MTUS2: variants seen among roughly 807,000 people sequenced by gnomAD.
The protein encoded by MTUS2 is microtubule associated scaffold protein 2.
A neutral mutation model predicts 114.1 loss-of-function variants in MTUS2; 40 were observed. The observed-to-expected ratio is 0.35, with a 90% CI of 0.27 to 0.46. The LOEUF is 0.46. Ranked by LOEUF, MTUS2 falls within the 20% of genes least tolerant of loss-of-function variation. MTUS2 has a pLI of 1.00. For missense variants in MTUS2, 1,679 were observed against 1,705.4 expected (o/e 0.98, Z 0.27); for synonymous variants, 688 against 672.0 (o/e 1.02, Z -0.37).
At position 28,908,193 on chromosome 13, in the gene MTUS2, A is replaced by T. The variant is rs1880169046; in HGVS notation, c.-243+68343A>T. On this transcript the variant is annotated intron_variant, in intron 2 of 15. Coordinates refer to ENST00000612955, the MANE Select transcript of MTUS2 (RefSeq NM_001033602.4). Reference sequence around the variant, plus strand: ...TTTAGGGTACGTGTACACAACATGCAGGTTAGTTACATATGTATACATGTG... The same window carrying T: ...TTTAGGGTACGTGTACACAACATGCTGGTTAGTTACATATGTATACATGTG... Among the ~76,000 whole-genome samples the T allele has an allele frequency of 2.0e-5, 3 of 151,474 alleles. No individual in the cohort carries two copies. In the South Asian group the frequency reaches 6.3e-4, roughly 32 times the overall value.
At chr13:29,442,810 T>G (rs1593449079) in intron 9 of MTUS2, among the ~76,000 whole-genome samples, 1 of 152,182 alleles carries the variant, frequency 6.6e-6, no homozygotes, top group South Asian at 2.1e-4. Context: ...GAAGGTTGGG[T>G]CTTCAGAGAC....
chr13:28,896,983 T>C (rs1009003413), intron 2 of MTUS2, among the ~76,000 whole-genome samples: 5 of 152,174 alleles, frequency 3.3e-5, no homozygotes, highest in Admixed American at 6.5e-5. Context: ...ATTCGGGACA[T>C]AGGCATGGGC....
chr13:29,160,344 GCTTA>G (rs1332496616), intron 5 of MTUS2, among the ~76,000 whole-genome samples: 2 of 151,942 alleles, frequency 1.3e-5, no homozygotes, highest in African/African-American at 4.8e-5. Context: ...CTTTTATCTA[GCTTA>G]CTTTATTGTG....
Position 29,431,838 on chromosome 13 carries a change from A to T in MTUS2, c.3118-8145A>T, listed in dbSNP as rs1034347450. ...CCAGACCCAGGTTTTTTGTTGGTTG[A>T]TTTGTTTTTTGTTTTGTTTTGTTTG... On this transcript the variant is annotated intron_variant, in intron 8 of 15. Coordinates refer to ENST00000612955, the MANE Select transcript of MTUS2 (RefSeq NM_001033602.4). Among the ~76,000 whole-genome samples the T allele has an allele frequency of 3.4e-4, 52 of 151,466 alleles. 1 individual carries two copies. The highest frequency in any genetic ancestry group is 2.0e-4 in the Admixed American group (3 of 15,186).
intron 9 of MTUS2, among the ~76,000 whole-genome samples, chr13:29,461,945 G>A (rs536081663): frequency 2.0e-4 from 30 of 152,264 alleles, no homozygotes; most frequent in Admixed American, 3.9e-4. Context: ...GATTCCAGGG[G>A]CTCAGATCCA....
chr13:29,159,192 T>C (rs1892993357), intron 5 of MTUS2, among the ~76,000 whole-genome samples: 1 of 152,200 alleles, frequency 6.6e-6, no homozygotes, highest in African/African-American at 2.4e-5. Context: ...ATATAAACTT[T>C]TACAATACAG....
chr13:29,412,414 A>G (rs1875318229), intron 8 of MTUS2, among the ~76,000 whole-genome samples: 1 of 152,150 alleles, frequency 6.6e-6, no homozygotes, highest in Non-Finnish European at 1.5e-5. Context: ...TTACTGGCTT[A>G]AGTCCCAATT....
At chr13:29,484,617 T>A (rs949212619) in intron 10 of MTUS2, among the ~76,000 whole-genome samples, 21 of 152,184 alleles carry the variant, frequency 1.4e-4, no homozygotes. Context: ...GGCCCCCTCG[T>A]TATCTAAAAA....
At chr13:29,247,608 C>T (rs1356304972) in intron 5 of MTUS2, among the ~76,000 whole-genome samples, 1 of 151,864 alleles carries the variant, frequency 6.6e-6, no homozygotes, top group Non-Finnish European at 1.5e-5. Flanking sequence ...TAGACAATTC[C>T]CAAAAGAAGA....
chr13:29,277,864 C>G (rs1898124206), intron 5 of MTUS2, among the ~76,000 whole-genome samples: 1 of 152,188 alleles, frequency 6.6e-6, no homozygotes, highest in African/African-American at 2.4e-5. Flanking sequence ...ATGAAGAGAG[C>G]TTTGGTCCCT....
intron 5 of MTUS2, among the ~76,000 whole-genome samples, chr13:29,205,724 G>A (rs1224557823): frequency 6.6e-6 from 1 of 152,214 alleles, no homozygotes; most frequent in Non-Finnish European, 1.5e-5. Flanking sequence ...CTAGGTTGCT[G>A]TGAATGCCAT....
chr13:28,853,460 G>C (rs368161666), intron 2 of MTUS2, among the ~76,000 whole-genome samples: 1 of 152,154 alleles, frequency 6.6e-6, no homozygotes, highest in Admixed American at 6.5e-5. Context: ...ATTATATTTT[G>C]CTATAAGGAC....
At position 28,867,034 on chromosome 13, in the gene MTUS2, A is replaced by G. The variant is rs535936633; in HGVS notation, c.-243+27184A>G. 2.0e-5 allele frequency among the ~76,000 whole-genome samples: 3 copies of G among 152,348 alleles called. No individual in the cohort carries two copies. In the Middle Eastern group the frequency reaches 0.01, roughly 518 times the overall value. On this transcript the variant is annotated intron_variant, in intron 2 of 15. Transcript: ENST00000612955. Reference sequence around the variant, plus strand: ...TAAATAATTCCTAAATCCCTGCTGAACCATAAAAACATTAGGGAAGTTTTA... The same window carrying G: ...TAAATAATTCCTAAATCCCTGCTGAGCCATAAAAACATTAGGGAAGTTTTA...
At chr13:29,315,352 G>C (rs554356482) in intron 6 of MTUS2, among the ~76,000 whole-genome samples, 55 of 152,328 alleles carry the variant, frequency 3.6e-4, no homozygotes, top group African/African-American at 1.1e-3. Flanking sequence ...TGATCTATGT[G>C]TGAGGTGATG....
intron 2 of MTUS2, among the ~76,000 whole-genome samples, chr13:29,009,665 C>T (rs1372276685): frequency 6.6e-6 from 1 of 152,008 alleles, no homozygotes; most frequent in Non-Finnish European, 1.5e-5. Flanking sequence ...GTGTATATGT[C>T]AAAACTTACA....
chr13:29,443,417 C>T (rs756760423), intron 9 of MTUS2, among the ~76,000 whole-genome samples: 2 of 152,170 alleles, frequency 1.3e-5, no homozygotes, highest in African/African-American at 4.8e-5. Context: ...ATGCAGCAGG[C>T]GCTACACAAG....
intron 4 of MTUS2, among the ~76,000 whole-genome samples, chr13:29,093,262 G>A (rs1470383270): frequency 3.3e-5 from 5 of 152,138 alleles, no homozygotes; most frequent in Admixed American, 6.5e-5. Context: ...GGCCAACATG[G>A]TGAAACCCCA....
intron 2 of MTUS2, among the ~76,000 whole-genome samples, chr13:28,933,558 A>G (rs1881735185): frequency 6.6e-6 from 1 of 152,236 alleles, no homozygotes; most frequent in Non-Finnish European, 1.5e-5. Context: ...TCAAGTTGAC[A>G]CTTAAAATTA....
intron 5 of MTUS2, among the ~76,000 whole-genome samples, chr13:29,260,103 G>GT (rs1216049452): frequency 5.3e-5 from 8 of 152,192 alleles, no homozygotes; most frequent in Admixed American, 3.3e-4. Flanking sequence ...TTTTAAAACT[G>GT]TTTATTTCTC....
Sources: allele counts gnomAD v4.1 joint callset (sites outside exome capture counted in the v4.1 genomes callset), GRCh38; gene constraint gnomAD v4.1.1; transcripts MANE v1.5; gene names NCBI Gene and HGNC (gene_info 2026-07-23, HGNC 2026-07-21).